KDM3B: variants seen among roughly 807,000 people sequenced by gnomAD.
KDM3B encodes lysine-specific demethylase 3B.
In KDM3B, 10 loss-of-function variants were observed where a neutral mutation model predicts 170.0. The ratio of observed to expected loss-of-function variants is 0.06; its 90% CI spans 0.04 to 0.10. The LOEUF (loss-of-function observed/expected upper bound fraction) is 0.10. Among genes scored for constraint, KDM3B ranks in the 10% least tolerant of loss-of-function variants. The probability of loss-of-function intolerance (pLI) is 1.00; values close to 1 mark genes in which losing one functional copy is unlikely to be tolerated. For synonymous variants in KDM3B, 831 were observed against 834.8 expected, an observed-to-expected ratio of 1.00 and a Z score of 0.08; for missense variants, 1,394 against 2,195.2, an observed-to-expected ratio of 0.64 and a Z score of 7.29.
intron 11 of KDM3B, among the ~76,000 whole-genome samples, chr5:138,409,987 T>C (rs971642012): frequency 1.3e-5 from 2 of 151,954 alleles, no homozygotes; most frequent in African/African-American, 4.8e-5. Context: ...CTCGGGAGGC[T>C]GAGGCAGGAG....
At chr5:138,371,957 C>T (rs552118383) in intron 1 of KDM3B, among the ~76,000 whole-genome samples, 10 of 152,260 alleles carry the variant, frequency 6.6e-5, no homozygotes, top group Middle Eastern at 3.4e-3. Flanking sequence ...TGCGTCTCTA[C>T]AAAAAATAAG....
At chr5:138,419,977 C>G (rs1376310863) in intron 14 of KDM3B, among the ~76,000 whole-genome samples, 1 of 152,046 alleles carries the variant, frequency 6.6e-6, no homozygotes, top group Admixed American at 6.6e-5. Context: ...CCTCCGTCTC[C>G]CAGGTTCAAG....
In KDM3B at chr5:138,431,965, A is replaced by G. The variant is rs145729557; in HGVS notation, c.5205+406A>G. Among the ~76,000 whole-genome samples, 535 of 152,128 alleles carry G rather than the reference A, an allele frequency of 3.5e-3. 1 individual carries two copies. Among genetic ancestry groups the G allele is most frequent in the South Asian group, 6.4e-3 (31 of 4,818 alleles). ...TCTTCTTTTTAATAGAATGGGGTCT[A>G]TGTTGCCCAGGCTGCTCTCAAACTA... is the stretch of plus-strand genomic sequence containing the variant. On this transcript the variant is annotated intron_variant, in intron 23 of 23. Coordinates refer to ENST00000314358, the MANE Select transcript of KDM3B (RefSeq NM_016604.4).
chr5:138,359,693 A>G (rs2126906554), intron 1 of KDM3B, among the ~76,000 whole-genome samples: 1 of 152,208 alleles, frequency 6.6e-6, no homozygotes, highest in South Asian at 2.1e-4. Flanking sequence ...TAATTTTTTT[A>G]GGTAAACCAT....
chr5:138,362,888 C>T (rs1049083883), intron 1 of KDM3B, among the ~76,000 whole-genome samples: 1 of 149,368 alleles, frequency 6.7e-6, no homozygotes, highest in African/African-American at 2.4e-5. Context: ...CTCCCCTCTC[C>T]CCCCAATAAT....
In KDM3B at chr5:138,429,869, G is replaced by A. The variant is rs773349941; in HGVS notation, c.4797G>A (p.Thr1599=). Residue 1599 remains threonine (T), a synonymous_variant, in exon 21 of 24, where the codon ACG becomes ACA. Coordinates refer to ENST00000314358, the MANE Select transcript of KDM3B (RefSeq NM_016604.4). ...ACGAGGGAGATGCCGATGAGGTGACGAAGCAGAGGATTCATGATGGAAAAG... is the reference window on the plus strand; with the variant it reads ...ACGAGGGAGATGCCGATGAGGTGACAAAGCAGAGGATTCATGATGGAAAAG... ...TIDEGDADEV[T]KQRIHDGKEK... The A allele has an allele frequency of 7.4e-6, 12 of 1,614,058 alleles. No homozygotes were observed. Among genetic ancestry groups the A allele is most frequent in the Admixed American group, 1.7e-5 (1 of 60,014 alleles).
At position 138,375,202 on chromosome 5, in the gene KDM3B, T is replaced by G. The variant is rs746086746; in HGVS notation, c.470T>G (p.Phe157Cys). The change falls in exon 3 of 24, where the codon TTT becomes TGT. Residue 157 changes from phenylalanine (F) to cysteine (C), a missense_variant. Around this residue, in one of 19 missense-constraint regions of KDM3B, gnomAD observed 166 missense variants for 216.4 expected, o/e 0.77. Coordinates refer to ENST00000314358, the MANE Select transcript of KDM3B (RefSeq NM_016604.4). ...FLSDANGLHL[F>C]QMGTDSQNQI... ...TCAGATGCCAATGGGTTGCATCTGT[T>G]TCAGGTATTTAACACTTGCTTTAGT... 2 of 1,595,786 alleles carry G rather than the reference T, an allele frequency of 1.3e-6. No individual in the cohort carries two copies. Among genetic ancestry groups the G allele is most frequent in the South Asian group, 2.2e-5 (2 of 90,718 alleles).
intron 7 of KDM3B, among the ~76,000 whole-genome samples, chr5:138,388,797 G>A (rs889832393): frequency 2.0e-5 from 3 of 152,184 alleles, no homozygotes; most frequent in Non-Finnish European, 2.9e-5. Flanking sequence ...GGGTGACAGA[G>A]CGAGACTCCG....
At position 138,381,527 on chromosome 5, in the gene KDM3B, C is replaced by T. The variant is rs1367740863; in HGVS notation, c.717C>T (p.Ile239=). ...MEVSVTESGE[I]KSVDPRLIHV... ...CCCTCCTACTGTAGAGTGGTGAGATCAAGTCGGTAGATCCCAGACTAATCC... is the reference window on the plus strand; with the variant it reads ...CCCTCCTACTGTAGAGTGGTGAGATTAAGTCGGTAGATCCCAGACTAATCC... Residue 239 remains isoleucine (I), a synonymous_variant, in exon 6 of 24, where the codon ATC becomes ATT. Transcript: ENST00000314358. 7 of 1,593,870 alleles carry T rather than the reference C, an allele frequency of 4.4e-6. 1 individual carries two copies. In the South Asian group the frequency reaches 7.7e-5, roughly 18 times the overall value.
intron 11 of KDM3B, among the ~76,000 whole-genome samples, chr5:138,413,686 T>C (rs11740446): frequency 0.13 from 19,344 of 152,148 alleles, 1,667 homozygotes; most frequent in South Asian, 0.25. Context: ...CAGGCTGGAG[T>C]GCAGTGGAGC....
In KDM3B at chr5:138,407,538, C is replaced by T. The variant is rs983762934; in HGVS notation, c.3199+7526C>T. 8.5e-5 allele frequency among the ~76,000 whole-genome samples: 13 copies of T among 152,188 alleles called. No individual in the cohort carries two copies. In the South Asian group the frequency reaches 1.2e-3, roughly 15 times the overall value. ...GTCCGTGTCCAAAATTTTCCTGGCA[C>T]GAGATGATGAACCTCAGGTATTTAC... On this transcript the variant is annotated intron_variant, in intron 11 of 23. Coordinates refer to ENST00000314358, the MANE Select transcript of KDM3B (RefSeq NM_016604.4).
In KDM3B at chr5:138,426,856, CTG is replaced by C; in HGVS notation, c.4412-117_4412-116del. On this transcript the variant is annotated intron_variant, in intron 17 of 23. Coordinates refer to ENST00000314358, the MANE Select transcript of KDM3B (RefSeq NM_016604.4). ...GCAGCCCGGGTGACAGAGCAAGACT[CTG>C]TCTCAAAAAAAAAAAAAAAAAAGAA... is the stretch of plus-strand genomic sequence containing the variant. 4.2e-6 allele frequency: 3 copies of C among 711,550 alleles called. No homozygotes were observed. The South Asian group carries it at 5.2e-5, about 12-fold the overall frequency. 44.1% of individuals were successfully genotyped at this position (711,550 alleles called of 1,614,324 possible).
At chr5:138,368,018 G>GA (rs11386450) in intron 1 of KDM3B, among the ~76,000 whole-genome samples, 44,765 of 141,706 alleles carry the variant, frequency 0.32, 7,405 homozygotes, top group East Asian at 0.58. Flanking sequence ...ATCTCAAAAA[G>GA]AAAAAAAAAA....
At chr5:138,398,140 T>C (rs762202527) in intron 9 of KDM3B, 38 bp from the exon 10 acceptor site, 1 of 1,513,324 alleles carries the variant, frequency 6.6e-7, no homozygotes, top group Non-Finnish European at 9.1e-7. Context: ...TAGTTTGCGT[T>C]GCTCCTGCGA....
At chr5:138,378,512 T>C (rs942182622) in intron 4 of KDM3B, among the ~76,000 whole-genome samples, 7 of 152,190 alleles carry the variant, frequency 4.6e-5, no homozygotes, top group Admixed American at 2.0e-4. Flanking sequence ...AGGTAAACTA[T>C]TGGCTTCATT....
At chr5:138,418,218 T>A (rs920442322) in intron 13 of KDM3B, among the ~76,000 whole-genome samples, 9 of 151,714 alleles carry the variant, frequency 5.9e-5, no homozygotes, top group Non-Finnish European at 8.8e-5. Context: ...TTTCTGGGAC[T>A]ACAGGCATGC....
Position 138,427,080 on chromosome 5 carries a change from G to T in KDM3B, c.4502+15G>T. ...ATGCCAACCAGGTTAGTGACCTGCAGTGGTGTCATCTTCAGAAGCCATCAC... is the reference window on the plus strand; with the variant it reads ...ATGCCAACCAGGTTAGTGACCTGCATTGGTGTCATCTTCAGAAGCCATCAC... On this transcript the variant is annotated intron_variant, in intron 18 of 23. Transcript: ENST00000314358. 2 of 1,612,480 alleles carry T rather than the reference G, an allele frequency of 1.2e-6. No homozygotes were observed.
chr5:138,435,550 T>A, intron 23 of KDM3B, 70 bp from the exon 24 acceptor site: 2 of 1,243,734 alleles, frequency 1.6e-6, no homozygotes, highest in East Asian at 4.8e-5. Flanking sequence ...ACCAGTAGGC[T>A]TACAGTCAAG....
At chr5:138,427,626 G>A (rs2127003413) in intron 19 of KDM3B, among the ~76,000 whole-genome samples, 1 of 152,272 alleles carries the variant, frequency 6.6e-6, no homozygotes, top group South Asian at 2.1e-4. Flanking sequence ...AGAGGTCTGG[G>A]TGCCATGCTA....
Sources: gnomAD v4.1 joint callset for allele counts (sites outside exome capture counted in the v4.1 genomes callset) on GRCh38, gnomAD v4.1.1 for gene constraint, gnomAD v4.1.1 regional missense constraint, MANE v1.5 for transcripts, NCBI Gene and HGNC (gene_info 2026-07-23, HGNC 2026-07-21) for gene names.